The following SS18 variants were observed in gnomAD, a reference collection of about 807,000 sequenced individuals.
SS18 encodes the protein protein SSXT.
In SS18, 28 loss-of-function variants were observed where a neutral mutation model predicts 72.5. That is an observed-to-expected ratio of 0.39 (90% CI 0.29 to 0.53). The LOEUF (loss-of-function observed/expected upper bound fraction) is 0.53. Among genes scored for constraint, SS18 ranks in the 20% least tolerant of loss-of-function variants. The pLI is 0.76. For missense variants in SS18, 518 were observed against 535.3 expected, an observed-to-expected ratio of 0.97 and a Z score of 0.32; for synonymous variants, 172 against 164.2, an observed-to-expected ratio of 1.05 and a Z score of -0.37.
chr18:26,032,647 T>C (rs1376203286), intron 9 of SS18, 115 bp from the exon 10 acceptor site: 2 of 1,215,532 alleles, frequency 1.6e-6, no homozygotes, highest in East Asian at 4.9e-5. Flanking sequence ...TAAAAAAAGA[T>C]AGTTTGGTAC....
intron 3 of SS18, among the ~76,000 whole-genome samples, chr18:26,062,707 A>C (rs1245307508): frequency 1.3e-5 from 2 of 152,164 alleles, no homozygotes; most frequent in Non-Finnish European, 2.9e-5. Context: ...AAAAGATATC[A>C]TGCAAATACT....
At chr18:26,082,295 C>T (rs1053737603) in intron 2 of SS18, 4 of 768,980 alleles carry the variant, frequency 5.2e-6, no homozygotes, top group African/African-American at 3.8e-5. Flanking sequence ...GTAAAATGGA[C>T]ACTCTATTTG....
At chr18:26,055,604 G>A (rs1034168265) in intron 4 of SS18, among the ~76,000 whole-genome samples, 1 of 152,064 alleles carries the variant, frequency 6.6e-6, no homozygotes, top group African/African-American at 2.4e-5. Flanking sequence ...AACTGAAATA[G>A]GAAACAGCCA....
chr18:26,018,519 G>A (rs2053288394), intron 10 of SS18, 139 bp from the exon 11 acceptor site: 2 of 573,820 alleles, frequency 3.5e-6, no homozygotes, highest in Non-Finnish European at 6.0e-6. Context: ...TTTTTATATC[G>A]TTAGGTATAC....
chr18:26,072,939 A>C (rs541129397), intron 3 of SS18, among the ~76,000 whole-genome samples: 2 of 152,304 alleles, frequency 1.3e-5, no homozygotes, highest in African/African-American at 2.4e-5. Flanking sequence ...GACTAAAAAA[A>C]CAACAATCAT....
At chr18:26,038,976 A>G (rs1378772612) in intron 6 of SS18, among the ~76,000 whole-genome samples, 1 of 152,110 alleles carries the variant, frequency 6.6e-6, no homozygotes, top group African/African-American at 2.4e-5. Context: ...TTGATACTAC[A>G]GTGCTGTGAA....
At chr18:26,046,219 A>T (rs968327149) in intron 5 of SS18, among the ~76,000 whole-genome samples, 1 of 130,906 alleles carries the variant, frequency 7.6e-6, no homozygotes, top group African/African-American at 3.1e-5. Context: ...AAAGAAGTAG[A>T]AAAAAAAAGG....
chr18:26,057,166 T>C (rs1374894459), intron 4 of SS18, among the ~76,000 whole-genome samples: 1 of 152,254 alleles, frequency 6.6e-6, no homozygotes, highest in Non-Finnish European at 1.5e-5. Flanking sequence ...GACTGTTTTC[T>C]TTCCCCATGT....
At chr18:26,038,916 A>C (rs1326973911) in intron 6 of SS18, among the ~76,000 whole-genome samples, 1 of 152,080 alleles carries the variant, frequency 6.6e-6, no homozygotes, top group Non-Finnish European at 1.5e-5. Context: ...ACAAATGCTA[A>C]CTTCTTAAAA....
At chr18:26,073,784 C>T (rs2054359271) in intron 3 of SS18, among the ~76,000 whole-genome samples, 2 of 152,098 alleles carry the variant, frequency 1.3e-5, no homozygotes, top group South Asian at 2.1e-4. Context: ...TTATCTGTCA[C>T]AAAGTAAAAT....
Position 26,038,579 on chromosome 18 carries a change from T to G in SS18, c.856A>C (p.Met286Leu). ...CCATCAGGGTAATATTGCTGGTTCA[T>G]GCCTTCTGGAGGACCTTGTCCACCA... is the stretch of plus-strand genomic sequence containing the variant. ...SHGGQGPPEGMNQQYYPDGHN... is the reference protein window; with the variant it reads ...SHGGQGPPEGLNQQYYPDGHN... The change falls in exon 7 of 11, where the codon ATG (methionine) becomes CTG (leucine). Residue 286 changes from methionine to leucine, a missense_variant. Physicochemically the swap from Met to Leu is conservative, Grantham distance 15. Transcript: ENST00000415083. 2 of 1,613,488 alleles carry G rather than the reference T, an allele frequency of 1.2e-6. No homozygotes were observed. The highest frequency in any genetic ancestry group is 1.7e-6 in the Non-Finnish European group (2 of 1,179,514).
At chr18:26,047,700 G>A (rs767256447) in intron 5 of SS18, among the ~76,000 whole-genome samples, 2 of 152,092 alleles carry the variant, frequency 1.3e-5, no homozygotes, top group South Asian at 2.1e-4. Flanking sequence ...AAAATTAGCC[G>A]GGCATGGTGG....
Position 26,078,151 on chromosome 18 carries a change from C to G in SS18, c.156G>C (p.Gln52His). The change falls in exon 3 of 11, where the codon CAG (glutamine) becomes CAC (histidine). Residue 52 changes from glutamine (Q) to histidine (H), a missense_variant. By Grantham distance (24) the Gln-to-His change is conservative (BLOSUM62 0). Coordinates refer to ENST00000415083, the MANE Select transcript of SS18 (RefSeq NM_001007559.3). ...GGTATACCAAGTTTGTGTGCAACAT[C>G]TGCTGATACCTATTAAAACAAAACA... is the stretch of plus-strand genomic sequence containing the variant. Reference protein sequence around the residue: ...GKTSECSQYQQMLHTNLVYLA... With the variant: ...GKTSECSQYQHMLHTNLVYLA... 2.5e-6 allele frequency: 4 copies of G among 1,610,826 alleles called. No individual in the cohort carries two copies. The highest frequency in any genetic ancestry group is 2.2e-5 in the East Asian group (1 of 44,670).
chr18:26,050,640 GTTCTT>G (rs1177492855), intron 5 of SS18, among the ~76,000 whole-genome samples: 1 of 151,914 alleles, frequency 6.6e-6, no homozygotes, highest in East Asian at 1.9e-4. Flanking sequence ...GTAATTTTGT[GTTCTT>G]TTGATTCTGA....
At chr18:26,047,563 C>T (rs907694147) in intron 5 of SS18, among the ~76,000 whole-genome samples, 6 of 152,158 alleles carry the variant, frequency 3.9e-5, no homozygotes, top group African/African-American at 9.7e-5. Flanking sequence ...TCCAGCCGGG[C>T]GTGGTGGCTC....
rs60999827 is a variant in SS18 at position 26,060,771 on chromosome 18, CAAAAAAAAAAAAAAAAAA to C, written c.232-3047_232-3030del. Among the ~76,000 whole-genome samples the C allele has an allele frequency of 9.8e-4, 39 of 39,608 alleles. 2 individuals are homozygous for C. The highest frequency in any genetic ancestry group is 4.0e-3 in the East Asian group (7 of 1,734). 26.0% of individuals were successfully genotyped at this position (39,608 alleles called of 152,430 possible). A position where few individuals can be genotyped will look rare whatever the true frequency, so the allele number is the denominator to read the frequency against. On this transcript the variant is annotated intron_variant, in intron 3 of 10. Coordinates refer to ENST00000415083, the MANE Select transcript of SS18 (RefSeq NM_001007559.3). ...GAAACTCTGTCTCTACTAAAAATAC[CAAAAAAAAAAAAAAAAAA>C]AAAAAAAAAAAAAAAAATCAGCCAG...
intron 9 of SS18, 40 bp downstream of exon 9, chr18:26,034,965 C>T (rs371045864): frequency 2.5e-6 from 4 of 1,582,634 alleles, no homozygotes; most frequent in Non-Finnish European, 3.4e-6. Flanking sequence ...ACAATCAGCA[C>T]ATTTTTTTGG....
chr18:26,055,744 T>C (rs932342578), intron 4 of SS18, among the ~76,000 whole-genome samples: 3 of 150,832 alleles, frequency 2.0e-5, no homozygotes, highest in Non-Finnish European at 4.4e-5. Context: ...TAGGAGAAAT[T>C]CTTTCTGTTT....
Position 26,087,545 on chromosome 18 carries a change from A to G in SS18, c.102T>C (p.Cys34=). 6.3e-7 allele frequency: 1 copy of G among 1,598,960 alleles called. No individual in the cohort carries two copies. The highest frequency in any genetic ancestry group is 1.7e-5 in the Admixed American group (1 of 58,666). ...MLDDNNHLIQ[C]IMDSQNKGKT... Reference sequence around the variant, plus strand: ...TTCCTTTATTCTGAGAGTCCATTATACACTGAATAAGATGGTTATTGTCAT... The same window carrying G: ...TTCCTTTATTCTGAGAGTCCATTATGCACTGAATAAGATGGTTATTGTCAT... Residue 34 remains cysteine (C), a synonymous_variant, in exon 2 of 11, where the codon TGT becomes TGC. Transcript: ENST00000415083.
Sources: allele counts gnomAD v4.1 joint callset (sites outside exome capture counted in the v4.1 genomes callset), GRCh38; gene constraint gnomAD v4.1.1; transcripts MANE v1.5; gene names NCBI Gene and HGNC (gene_info 2026-07-23, HGNC 2026-07-21).